LIPI: variants seen among roughly 807,000 people sequenced by gnomAD.
The protein encoded by LIPI is lipase member I.
Under a neutral mutation model 50.6 loss-of-function variants are expected in LIPI, and 59 were observed. The ratio of observed to expected loss-of-function variants is 1.16; its 90% CI spans 0.94 to 1.45. The LOEUF (loss-of-function observed/expected upper bound fraction) is 1.45, where lower values mean the gene tolerates loss of function less well. LIPI is among the 40% of genes most tolerant of loss of function. The pLI, the probability that LIPI is intolerant of heterozygous loss-of-function variation, is 0.00. For synonymous variants in LIPI, 203 were observed against 178.2 expected (o/e 1.14, Z -1.11); for missense variants, 586 against 536.3 (o/e 1.09, Z -0.92).
chr21:14,131,801 T>C (rs2017305889), intron 9 of LIPI, among the ~76,000 whole-genome samples: 1 of 152,012 alleles, frequency 6.6e-6, no homozygotes, highest in Admixed American at 6.6e-5. Flanking sequence ...ATCTGAAGAC[T>C]CATACAAAGA....
At chr21:14,118,755 C>T (rs2016750498) in intron 9 of LIPI, among the ~76,000 whole-genome samples, 1 of 152,216 alleles carries the variant, frequency 6.6e-6, no homozygotes, top group Non-Finnish European at 1.5e-5. Context: ...GTGAATCAAG[C>T]ACCTGTCATA....
At chr21:14,196,080 C>A (rs2019832894) in intron 1 of LIPI, among the ~76,000 whole-genome samples, 1 of 145,292 alleles carries the variant, frequency 6.9e-6, no homozygotes, top group Admixed American at 7.1e-5. Context: ...GATGTTAATG[C>A]ATGAGAAATA....
At chr21:14,132,088 G>A (rs148377704) in intron 9 of LIPI, among the ~76,000 whole-genome samples, 37 of 152,192 alleles carry the variant, frequency 2.4e-4, no homozygotes, top group Admixed American at 8.5e-4. Context: ...GTGACCAAAC[G>A]TATTAATTAT....
intron 4 of LIPI, among the ~76,000 whole-genome samples, chr21:14,180,566 A>T (rs2019237967): frequency 6.6e-6 from 1 of 152,234 alleles, no homozygotes; most frequent in African/African-American, 2.4e-5. Context: ...AGTTTCAGAA[A>T]AAATTCAGAC....
chr21:14,185,368 T>C (rs1568875109), intron 3 of LIPI, among the ~76,000 whole-genome samples: 1 of 152,216 alleles, frequency 6.6e-6, no homozygotes, highest in Admixed American at 6.5e-5. Flanking sequence ...GAGTCATATT[T>C]ACTTCTGTAT....
chr21:14,193,223 A>C (rs77737444), intron 1 of LIPI, among the ~76,000 whole-genome samples: 5,037 of 152,200 alleles, frequency 0.033, 276 homozygotes, highest in African/African-American at 0.11. Flanking sequence ...GTAATCAAAA[A>C]GAAAACATCT....
chr21:14,109,131 A>G (rs1454085994), intron 9 of LIPI, 51 bp from the exon 10 acceptor site: 1 of 1,425,608 alleles, frequency 7.0e-7, no homozygotes, highest in South Asian at 1.1e-5. Context: ...TAGTAAAACA[A>G]CAGAGTTGAT....
chr21:14,115,915 G>A (rs2016613643), intron 9 of LIPI, among the ~76,000 whole-genome samples: 2 of 152,076 alleles, frequency 1.3e-5, no homozygotes, highest in Non-Finnish European at 2.9e-5. Flanking sequence ...CACTCACACT[G>A]GAAAAAGGGA....
chr21:14,146,772 A>ATTTTTTTTTTTTTTTTTTTT lies in LIPI; in HGVS notation c.1119-1993_1119-1974dup, dbSNP rs3048482. Among the ~76,000 whole-genome samples, 12 of 73,384 alleles carry ATTTTTTTTTTTTTTTTTTTT rather than the reference A, an allele frequency of 1.6e-4. 2 individuals carry two copies. The highest frequency in any genetic ancestry group is 5.4e-4 in the African/African-American group (9 of 16,548). 48.1% of individuals were successfully genotyped at this position (73,384 alleles called of 152,430 possible). A position where few individuals can be genotyped will look rare whatever the true frequency, so the allele number is the denominator to read the frequency against. ...TCTCTTTCTTACTTTCCCAGTCTCTATTTTTTTTTTTTTTTTTTTTTTTTT... is the reference window on the plus strand; with the variant it reads ...TCTCTTTCTTACTTTCCCAGTCTCTATTTTTTTTTTTTTTTTTTTTTTTTTTTTTTTTTTTTTTTTTTTTT... On this transcript the variant is annotated intron_variant, in intron 8 of 9. Coordinates refer to ENST00000681601, the MANE Select transcript of LIPI (RefSeq NM_001302998.2).
chr21:14,148,578 T>C (rs1330808995), intron 8 of LIPI, among the ~76,000 whole-genome samples: 1 of 152,188 alleles, frequency 6.6e-6, no homozygotes, highest in African/African-American at 2.4e-5. Flanking sequence ...TTGCCTCCAG[T>C]ATTCAATACC....
intron 6 of LIPI, among the ~76,000 whole-genome samples, chr21:14,164,278 C>T (rs908003658): frequency 6.6e-6 from 1 of 152,018 alleles, no homozygotes; most frequent in East Asian, 1.9e-4. Context: ...TTTATATATT[C>T]ACTCTGGGTT....
intron 9 of LIPI, among the ~76,000 whole-genome samples, chr21:14,117,961 G>T (rs749304944): frequency 1.3e-5 from 2 of 152,028 alleles, no homozygotes; most frequent in Non-Finnish European, 2.9e-5. Flanking sequence ...TGTGGTCACA[G>T]TAGAGGACAA....
At chr21:14,173,314 C>G (rs1325233987) in intron 4 of LIPI, among the ~76,000 whole-genome samples, 1 of 152,166 alleles carries the variant, frequency 6.6e-6, no homozygotes, top group Non-Finnish European at 1.5e-5. Flanking sequence ...GATTCACTAA[C>G]TGGAAAAAAA....
chr21:14,206,397 G>A (rs1053363544), intron 1 of LIPI, among the ~76,000 whole-genome samples: 2 of 152,086 alleles, frequency 1.3e-5, no homozygotes, highest in African/African-American at 4.8e-5. Flanking sequence ...GCAAGCTGCT[G>A]AGATAAGTTT....
At chr21:14,187,823 A>G (rs1350693137) in intron 2 of LIPI, among the ~76,000 whole-genome samples, 1 of 152,300 alleles carries the variant, frequency 6.6e-6, no homozygotes, top group Middle Eastern at 3.4e-3. Context: ...TATTCATATA[A>G]ATATTTTTGT....
chr21:14,167,142 C>A (rs535739556), intron 4 of LIPI, among the ~76,000 whole-genome samples: 1 of 152,172 alleles, frequency 6.6e-6, no homozygotes, highest in Admixed American at 6.5e-5. Context: ...AACTGCAAGG[C>A]GGCAGCAAGG....
At chr21:14,152,710 A>T (rs750013717) in intron 7 of LIPI, 26 bp from the exon 8 acceptor site, 2 of 1,154,608 alleles carry the variant, frequency 1.7e-6, no homozygotes, top group East Asian at 4.8e-5. Flanking sequence ...ATAGAATACA[A>T]CTCACATTAT....
intron 3 of LIPI, among the ~76,000 whole-genome samples, chr21:14,184,471 TATA>T (rs1471154649): frequency 1.3e-5 from 2 of 151,726 alleles, no homozygotes; most frequent in Non-Finnish European, 2.9e-5. Context: ...AAACTTAAAG[TATA>T]ATAATAATAA....
At chr21:14,115,096 C>G (rs376777106) in intron 9 of LIPI, among the ~76,000 whole-genome samples, 1 of 152,016 alleles carries the variant, frequency 6.6e-6, no homozygotes, top group Non-Finnish European at 1.5e-5. Flanking sequence ...AGTATAGCAA[C>G]CTCCGCACCC....
Sources: allele counts gnomAD v4.1 joint callset (sites outside exome capture counted in the v4.1 genomes callset), GRCh38; gene constraint gnomAD v4.1.1; transcripts MANE v1.5; gene names NCBI Gene and HGNC (gene_info 2026-07-23, HGNC 2026-07-21).